The following ACOT1 variants were observed in gnomAD, a reference collection of about 807,000 sequenced individuals.
ACOT1 encodes the protein acyl-coenzyme A thioesterase 1.
A neutral mutation model predicts 15.7 loss-of-function variants in ACOT1; 8 were observed. The ratio of observed to expected loss-of-function variants is 0.51; its 90% CI spans 0.30 to 0.92. The LOEUF (loss-of-function observed/expected upper bound fraction) is 0.92. Among genes scored for constraint, ACOT1 ranks in the 40% least tolerant of loss-of-function variants. The pLI is 0.06. For synonymous variants in ACOT1, 67 were observed against 241.2 expected, an observed-to-expected ratio of 0.28 and a Z score of 6.69; for missense variants, 151 against 539.4, an observed-to-expected ratio of 0.28 and a Z score of 7.13.
At chr14:73,512,229 C>T in the ACOT1 span, 1 of 1,503,556 alleles carries the variant, frequency 6.7e-7, no homozygotes. Context: ...GACAAGAAGT[C>T]TGCCCTTCAC....
chr14:73,511,569 T>A, the ACOT1 span, among the ~76,000 whole-genome samples: 5 of 143,536 alleles, frequency 3.5e-5, no homozygotes, highest in Non-Finnish European at 7.7e-5. Flanking sequence ...ATAAATAAAA[T>A]AAAATAAAAA....
Position 73,537,971 on chromosome 14 carries a change from C to T in ACOT1, c.457+93C>T. ...TGTGTGTCCCCTTCGCCCCGCCCCG[C>T]TCTTTTCGCTTGTGTGTGTGTCCCT... On this transcript the variant is annotated intron_variant, in intron 1 of 2. Transcript: ENST00000311148. 2 of 1,007,238 alleles carry T rather than the reference C, an allele frequency of 2.0e-6. 1 individual carries two copies. The highest frequency in any genetic ancestry group is 2.5e-6 in the Non-Finnish European group (2 of 787,244). 62.4% of individuals were successfully genotyped at this position (1,007,238 alleles called of 1,614,324 possible). A position where few individuals can be genotyped will look rare whatever the true frequency, so the allele number is the denominator to read the frequency against.
At chr14:73,492,596 C>T in the ACOT1 span, 1 of 1,613,774 alleles carries the variant, frequency 6.2e-7, no homozygotes, top group African/African-American at 1.3e-5. This position sits in a 1 kb window ranked among gnomAD's most constrained non-coding sequence, Gnocchi z 4.9. Flanking sequence ...TTACGGGCTT[C>T]CAATTCGCTG....
the ACOT1 span, chr14:73,491,252 C>G: frequency 9.5e-6 from 15 of 1,582,400 alleles, no homozygotes; most frequent in African/African-American, 1.9e-4. Flanking sequence ...GGGGGACGCG[C>G]TACCCGGTGG....
At chr14:73,512,102 C>T in the ACOT1 span, 11 of 1,614,140 alleles carry the variant, frequency 6.8e-6, no homozygotes, top group South Asian at 1.1e-5. Context: ...TGCAGGTCTC[C>T]CAAGCTCTGA....
the ACOT1 span, chr14:73,491,345 C>A: frequency 6.9e-7 from 1 of 1,441,500 alleles, no homozygotes; most frequent in Non-Finnish European, 9.1e-7. Context: ...GGAGGCCTCG[C>A]CCGCCGCGCG....
At chr14:73,537,136 C>T, upstream of ACOT1, 1 of 327,590 alleles carries the variant, frequency 3.1e-6, no homozygotes, top group South Asian at 3.4e-5. Flanking sequence ...CAGTCCTGGC[C>T]CAGCCCATTC....
chr14:73,497,832 G>T, the ACOT1 span, among the ~76,000 whole-genome samples: 15 of 151,748 alleles, frequency 9.9e-5, no homozygotes, highest in African/African-American at 3.6e-4. Flanking sequence ...CTCCATTTTG[G>T]TCAGGCTGGT....
chr14:73,523,091 G>T, the ACOT1 span: 5 of 1,611,596 alleles, frequency 3.1e-6, no homozygotes, highest in Middle Eastern at 4.9e-4. Flanking sequence ...TCCCAGTCGT[G>T]GGGGCAGTGA....
the ACOT1 span, among the ~76,000 whole-genome samples, chr14:73,500,279 C>CTTT: frequency 7.1e-6 from 1 of 139,932 alleles, no homozygotes; most frequent in Admixed American, 7.2e-5. Flanking sequence ...ATGCACGGAC[C>CTTT]TTTTTTTTTT....
the ACOT1 span, chr14:73,492,036 A>C: frequency 6.2e-7 from 1 of 1,613,952 alleles, no homozygotes; most frequent in Non-Finnish European, 8.5e-7. The surrounding 1 kb of genome is among the most constrained non-coding windows in gnomAD (Gnocchi z 4.9). Context: ...TTTGCCCCCC[A>C]CTACGACGAC....
chr14:73,520,703 C>G, the ACOT1 span: 14 of 689,946 alleles, frequency 2.0e-5, no homozygotes, highest in Admixed American at 2.8e-4. Flanking sequence ...AACTCCTGTG[C>G]TAGTGTGGGT....
chr14:73,517,678 AAAAG>A, the ACOT1 span, among the ~76,000 whole-genome samples: 26 of 150,138 alleles, frequency 1.7e-4, no homozygotes, highest in East Asian at 5.9e-4. Context: ...AAAAAAAAAA[AAAAG>A]AAGAAGAAAA....
chr14:73,507,501 T>G, the ACOT1 span, among the ~76,000 whole-genome samples: 1 of 152,196 alleles, frequency 6.6e-6, no homozygotes, highest in African/African-American at 2.4e-5. Flanking sequence ...TGGTGTGATC[T>G]CAGCTCGCTG....
the ACOT1 span, among the ~76,000 whole-genome samples, chr14:73,500,247 A>G: frequency 6.6e-6 from 1 of 151,768 alleles, no homozygotes; most frequent in Non-Finnish European, 1.5e-5. Flanking sequence ...ACAAACAAAC[A>G]AACAAAAAAA....
the ACOT1 span, among the ~76,000 whole-genome samples, chr14:73,521,207 T>G: frequency 6.6e-6 from 1 of 152,122 alleles, no homozygotes; most frequent in South Asian, 2.1e-4. Context: ...ATGGTGCCAG[T>G]TGAATGTGGA....
At chr14:73,503,462 A>G in the ACOT1 span, among the ~76,000 whole-genome samples, 1 of 152,180 alleles carries the variant, frequency 6.6e-6, no homozygotes, top group Non-Finnish European at 1.5e-5. Context: ...CTATAAGTGC[A>G]CTTCTCTCAG....
chr14:73,498,076 G>T, the ACOT1 span: 1 of 1,353,050 alleles, frequency 7.4e-7, no homozygotes, highest in Non-Finnish European at 1.0e-6. Flanking sequence ...GCCTGGAAAG[G>T]CAGGGACATA....
chr14:73,538,611 C>CA (rs59948219), intron 1 of ACOT1, among the ~76,000 whole-genome samples: 2,380 of 26,994 alleles, frequency 0.088, 371 homozygotes, highest in African/African-American at 0.17. Context: ...GACTCCGTCT[C>CA]AAAAAAAAAA....
Sources: gnomAD v4.1 joint callset for allele counts (sites outside exome capture counted in the v4.1 genomes callset) on GRCh38, gnomAD v4.1.1 for gene constraint, Gnocchi (gnomAD v3.1) non-coding constraint, MANE v1.5 for transcripts, NCBI Gene and HGNC (gene_info 2026-07-23, HGNC 2026-07-21) for gene names.